Variants in PSAT1 observed in about 807,000 individuals in gnomAD.
PSAT1 encodes the protein phosphoserine aminotransferase 1, also known as phosphoserine aminotransferase.
A neutral mutation model predicts 40.3 loss-of-function variants in PSAT1; 41 were observed. The ratio of observed to expected loss-of-function variants is 1.02; its 90% confidence interval spans 0.79 to 1.32. The LOEUF (loss-of-function observed/expected upper bound fraction) is 1.32, where lower values mean the gene tolerates loss of function less well. Among genes scored for constraint, PSAT1 ranks in the 40% most tolerant of loss-of-function variants. PSAT1 has a pLI of 0.00. For synonymous variants in PSAT1, 147 were observed against 170.5 expected (o/e 0.86, Z 1.07); for missense variants, 406 against 455.8 (o/e 0.89, Z 0.99).
chr9:78,313,274 G>T (rs1317549971), intron 6 of PSAT1, among the ~76,000 whole-genome samples: 4 of 152,134 alleles, frequency 2.6e-5, no homozygotes, highest in Non-Finnish European at 4.4e-5. Flanking sequence ...GCTGAGGCGG[G>T]AGATCACTTG....
intron 2 of PSAT1, among the ~76,000 whole-genome samples, chr9:78,301,563 T>A (rs1467091604): frequency 1.3e-5 from 2 of 152,200 alleles, no homozygotes. Context: ...GTTTGGGACA[T>A]ATACTTAGAT....
chr9:78,322,215 CA>C (rs1353586326), intron 7 of PSAT1, among the ~76,000 whole-genome samples: 1 of 151,726 alleles, frequency 6.6e-6, no homozygotes, highest in Non-Finnish European at 1.5e-5. Context: ...TCACCTTTAT[CA>C]CCTTATGTGG....
rs769706393 is a variant in PSAT1 at position 78,328,999 on chromosome 9, G to A, written c.1026G>A (p.Arg342=). Residue 342 remains arginine, a synonymous_variant, in exon 9 of 9, where the codon CGG becomes CGA. Transcript: ENST00000376588. ...LKGHRSVGGI[R]ASLYNAVTIE... ...ATTCTAGGTCTGTGGGAGGCATCCG[G>A]GCCTCTCTGTATAATGCTGTCACAA... The A allele has an allele frequency of 3.1e-6, 5 of 1,613,790 alleles. No individual in the cohort carries two copies. Among genetic ancestry groups the A allele is most frequent in the Non-Finnish European group, 4.2e-6 (5 of 1,179,802 alleles).
chr9:78,328,949 G>T, intron 8 of PSAT1, 32 bp from the exon 9 acceptor site: 10 of 1,563,196 alleles, frequency 6.4e-6, no homozygotes, highest in Non-Finnish European at 8.8e-6. Context: ...AGACGTTTTT[G>T]TTCTCAATGC....
intron 6 of PSAT1, among the ~76,000 whole-genome samples, chr9:78,315,287 G>A (rs1828325191): frequency 6.6e-6 from 1 of 152,180 alleles, no homozygotes; most frequent in African/African-American, 2.4e-5. Flanking sequence ...TTGGAGTCCT[G>A]GCTTTAAGCT....
At chr9:78,309,737 G>A (rs7858854) in intron 6 of PSAT1, among the ~76,000 whole-genome samples, 20,673 of 152,216 alleles carry the variant, frequency 0.14, 1,870 homozygotes, top group East Asian at 0.44. Context: ...TGGGGGCTGC[G>A]TTGCAGCACT....
rs3739474 is a variant in PSAT1 at position 78,304,840 on chromosome 9, T to G, written c.297T>G (p.Ala99=). 0.66 allele frequency: 1,063,726 copies of G among 1,613,868 alleles called. 355,975 individuals are homozygous for G. The highest frequency in any genetic ancestry group is 0.69 in the Non-Finnish European group (810,710 of 1,179,956). The change falls in exon 4 of 9, where the codon GCT becomes GCG. Residue 99 remains alanine (A), a synonymous_variant. Transcript: ENST00000376588. ...TTGGCTTGAAAGCAGGAAGGTGTGC[T>G]GACTATGTGGTGACAGGAGCTTGGT... The part of the protein sequence containing the change: ...NLIGLKAGRC[A]DYVVTGAWSA...
intron 7 of PSAT1, among the ~76,000 whole-genome samples, chr9:78,327,405 T>G (rs1250121028): frequency 3.3e-5 from 5 of 152,176 alleles, no homozygotes; most frequent in Admixed American, 2.6e-4. Context: ...GAAAACTAGA[T>G]TCCACCTCTT....
chr9:78,325,699 T>A (rs1828487451), intron 7 of PSAT1, among the ~76,000 whole-genome samples: 1 of 152,226 alleles, frequency 6.6e-6, no homozygotes, highest in South Asian at 2.1e-4. Context: ...TCTCTGTAGA[T>A]TGGAAGCAGT....
intron 7 of PSAT1, among the ~76,000 whole-genome samples, chr9:78,326,955 A>ATATATATTTTTTTTTTTTTTT: frequency 1.3e-5 from 1 of 75,962 alleles, no homozygotes; most frequent in East Asian, 4.2e-4. Flanking sequence ...ATATATATAT[A>ATATATATTTTTTTTTTTTTTT]TTTTTTTTTT....
intron 7 of PSAT1, among the ~76,000 whole-genome samples, chr9:78,320,393 CACACACCCACCTATCTATCCATCTACCT>C (rs1828411633): frequency 6.6e-6 from 1 of 151,518 alleles, no homozygotes; most frequent in South Asian, 2.1e-4. Context: ...CCCACCCATC[CACACACCCACCTATCTATCCATCTACCT>C]ACACACCCAC....
chr9:78,323,864 G>T (rs1019316926), intron 7 of PSAT1, among the ~76,000 whole-genome samples: 1 of 152,114 alleles, frequency 6.6e-6, no homozygotes, highest in African/African-American at 2.4e-5. Flanking sequence ...GTTGCATTTG[G>T]TAGGCTTCTC....
chr9:78,317,668 C>T lies in PSAT1; in HGVS notation c.741-8C>T, dbSNP rs113523610. 5.6e-6 allele frequency: 9 copies of T among 1,612,960 alleles called. No homozygotes were observed. The African/African-American group carries it at 8.0e-5, about 14-fold the overall frequency. ...GCTAAACGGATTTTTTAAAAATCTT[C>T]ATTTTAGCATCTACGTCATGGGCTT... On this transcript the variant is annotated splice_polypyrimidine_tract_variant and splice_region_variant and intron_variant, in intron 6 of 8. Transcript: ENST00000376588.
intron 7 of PSAT1, among the ~76,000 whole-genome samples, chr9:78,326,955 A>ATATATTTTT: frequency 1.3e-5 from 1 of 75,964 alleles, no homozygotes; most frequent in African/African-American, 9.5e-5. Flanking sequence ...ATATATATAT[A>ATATATTTTT]TTTTTTTTTT....
chr9:78,301,932 T>G (rs938793992), intron 2 of PSAT1, 22 bp from the exon 3 acceptor site: 13 of 1,567,770 alleles, frequency 8.3e-6, no homozygotes, highest in Non-Finnish European at 1.1e-5. Context: ...TTTGTTATTG[T>G]TGTTTATCTT....
intron 1 of PSAT1, chr9:78,298,370 C>T (rs1828058417): frequency 1.0e-6 from 1 of 985,220 alleles, no homozygotes; most frequent in Admixed American, 6.1e-5. Context: ...TAGAAATCTC[C>T]CTGGGACAGA....
intron 1 of PSAT1, among the ~76,000 whole-genome samples, chr9:78,300,357 C>T (rs1011454247): frequency 2.6e-5 from 4 of 152,048 alleles, no homozygotes; most frequent in Non-Finnish European, 4.4e-5. Flanking sequence ...TCGGTAAATT[C>T]GGGCCTTTGG....
At chr9:78,301,294 A>T (rs995596371) in intron 2 of PSAT1, among the ~76,000 whole-genome samples, 1 of 152,208 alleles carries the variant, frequency 6.6e-6, no homozygotes, top group African/African-American at 2.4e-5. Flanking sequence ...CCAAACATTT[A>T]TAATATTGCT....
At chr9:78,316,625 C>T (rs1828348345) in intron 6 of PSAT1, among the ~76,000 whole-genome samples, 1 of 152,160 alleles carries the variant, frequency 6.6e-6, no homozygotes, top group Non-Finnish European at 1.5e-5. Flanking sequence ...TGCATACTGG[C>T]TGGAGGGTGG....
Sources: gnomAD v4.1 joint callset for allele counts (sites outside exome capture counted in the v4.1 genomes callset) on GRCh38, gnomAD v4.1.1 for gene constraint, MANE v1.5 for transcripts, NCBI Gene and HGNC (gene_info 2026-07-23, HGNC 2026-07-21) for gene names.